Variants in RAD50 observed in about 807,000 individuals in gnomAD.
The protein encoded by RAD50 is RAD50 double strand break repair protein.
A neutral mutation model predicts 168.8 loss-of-function variants in RAD50; 132 were observed. That is an observed-to-expected ratio of 0.78 (90% CI 0.68 to 0.90). The LOEUF is 0.90. Among genes scored for constraint, RAD50 ranks in the 40% least tolerant of loss-of-function variants. The pLI is 0.00. For synonymous variants in RAD50, 525 were observed against 497.4 expected, an observed-to-expected ratio of 1.06 and a Z score of -0.74; for missense variants, 1,347 against 1,534.4, an observed-to-expected ratio of 0.88 and a Z score of 2.04.
chr5:132,567,251 T>C (rs1054187126), intron 2 of RAD50, among the ~76,000 whole-genome samples: 3 of 152,174 alleles, frequency 2.0e-5, no homozygotes, highest in Admixed American at 6.5e-5. Flanking sequence ...ATCACACTTA[T>C]ACTCGCAAGA....
chr5:132,577,487 C>G (rs566122644), intron 3 of RAD50, among the ~76,000 whole-genome samples: 2 of 152,332 alleles, frequency 1.3e-5, no homozygotes, highest in African/African-American at 4.8e-5. Context: ...TGTACCATAG[C>G]TAAGTAAATG....
intron 2 of RAD50, among the ~76,000 whole-genome samples, chr5:132,560,379 ACT>A (rs1272964595): frequency 2.0e-5 from 3 of 152,128 alleles, no homozygotes; most frequent in African/African-American, 4.8e-5. Context: ...ATTAAAGATA[ACT>A]CTGTAATTAT....
intron 21 of RAD50, among the ~76,000 whole-genome samples, chr5:132,628,516 C>T (rs79050366): frequency 0.02 from 2,976 of 152,026 alleles, 75 homozygotes; most frequent in African/African-American, 0.061. Context: ...AACTGAAGCC[C>T]GGTCAAGTTG....
At chr5:132,640,242 A>G (rs1158771875) in intron 23 of RAD50, among the ~76,000 whole-genome samples, 1 of 152,222 alleles carries the variant, frequency 6.6e-6, no homozygotes, top group African/African-American at 2.4e-5. Context: ...AGAAAAAGTG[A>G]GAGGCTCTAG....
At chr5:132,589,962 A>T in intron 9 of RAD50, 125 bp downstream of exon 9, 1 of 903,476 alleles carries the variant, frequency 1.1e-6, no homozygotes, top group Non-Finnish European at 1.7e-6. Flanking sequence ...ATTCTCATGT[A>T]AAATGAATTC....
At chr5:132,594,821 T>C (rs760374550) in intron 11 of RAD50, 48 bp from the exon 12 acceptor site, 1 of 1,547,296 alleles carries the variant, frequency 6.5e-7, no homozygotes, top group African/African-American at 1.4e-5. Flanking sequence ...ATTTTCAAAC[T>C]AATTTCTCCT....
rs2149853037 is a variant in RAD50, at chr5:132,616,128, A to G, written c.3162A>G (p.Lys1054=). ...GTCAAATGCAGGTTTTGCAAATGAA[A>G]AGGTATGCTTTTAAAATAATCTTCA... ...EMGQMQVLQM[K]SEHQKLEENI... The change falls in exon 20 of 25, where the codon AAA becomes AAG. Residue 1054 remains lysine (K), a splice_region_variant and synonymous_variant. Transcript: ENST00000378823. 2 of 1,612,414 alleles carry G rather than the reference A, an allele frequency of 1.2e-6. No homozygotes were observed. The highest frequency in any genetic ancestry group is 1.7e-6 in the Non-Finnish European group (2 of 1,178,898).
chr5:132,627,364 A>G (rs1424242054), intron 21 of RAD50, among the ~76,000 whole-genome samples: 1 of 152,194 alleles, frequency 6.6e-6, no homozygotes, highest in African/African-American at 2.4e-5. Context: ...ATACTGTTCT[A>G]GATACTAAGT....
At chr5:132,568,224 C>T (rs1264265280) in intron 2 of RAD50, among the ~76,000 whole-genome samples, 1 of 152,036 alleles carries the variant, frequency 6.6e-6, no homozygotes, top group Non-Finnish European at 1.5e-5. Flanking sequence ...GTGCCCACGA[C>T]CATGCCCGGC....
At chr5:132,584,091 G>T (rs1036666446) in intron 5 of RAD50, among the ~76,000 whole-genome samples, 5 of 152,064 alleles carry the variant, frequency 3.3e-5, no homozygotes, top group African/African-American at 1.2e-4. Flanking sequence ...TGGACATTAA[G>T]TTGTTTTTGG....
intron 21 of RAD50, among the ~76,000 whole-genome samples, chr5:132,619,377 C>T (rs1464343683): frequency 1.3e-5 from 2 of 152,012 alleles, no homozygotes; most frequent in Non-Finnish European, 2.9e-5. Context: ...AATGATGAAT[C>T]GTTGTTTATA....
At chr5:132,591,472 A>C (rs752964344) in intron 10 of RAD50, 66 bp downstream of exon 10, 14 of 1,459,054 alleles carry the variant, frequency 9.6e-6, no homozygotes, top group Non-Finnish European at 1.3e-5. Context: ...TTGCACTCAT[A>C]AGTCATAGAC....
At chr5:132,624,354 A>G (rs1020694744) in intron 21 of RAD50, among the ~76,000 whole-genome samples, 13 of 152,240 alleles carry the variant, frequency 8.5e-5, no homozygotes, top group African/African-American at 2.7e-4. Context: ...AGTAGACTAC[A>G]CATACATATA....
At chr5:132,591,107 C>CA in intron 9 of RAD50, 117 bp from the exon 10 acceptor site, 1 of 1,068,318 alleles carries the variant, frequency 9.4e-7, no homozygotes, top group Non-Finnish European at 1.4e-6. Context: ...TTGTTGGATG[C>CA]AAACAGTAAT....
rs557602042 is a variant in RAD50 at position 132,627,257 on chromosome 5, A to G, written c.3389+8963A>G. 2.0e-5 allele frequency among the ~76,000 whole-genome samples: 3 copies of G among 152,244 alleles called. No individual in the cohort carries two copies. In the East Asian group the frequency reaches 5.8e-4, roughly 29 times the overall value. The stretch of plus-strand genomic sequence containing the variant: ...TGGTTTAGAACCATAACTTATTTCT[A>G]TATATTTTGTAACTCTTCAGTGAGG... On this transcript the variant is annotated intron_variant, in intron 21 of 24. Transcript: ENST00000378823.
intron 19 of RAD50, among the ~76,000 whole-genome samples, chr5:132,611,628 C>G (rs1751088431): frequency 6.7e-6 from 1 of 149,490 alleles, no homozygotes; most frequent in African/African-American, 2.5e-5. Context: ...ATGGCGTGAA[C>G]CTGGGAGGCA....
intron 19 of RAD50, among the ~76,000 whole-genome samples, chr5:132,611,877 A>C (rs1751094506): frequency 6.6e-6 from 1 of 152,172 alleles, no homozygotes; most frequent in South Asian, 2.1e-4. Flanking sequence ...AATACAGTGT[A>C]TCTCAGCATC....
At chr5:132,625,363 G>A (rs1751356053) in intron 21 of RAD50, among the ~76,000 whole-genome samples, 1 of 152,120 alleles carries the variant, frequency 6.6e-6, no homozygotes, top group Non-Finnish European at 1.5e-5. Context: ...TGGGATTACA[G>A]GCGTGAGCCA....
In RAD50 at chr5:132,579,921, A is replaced by C; in HGVS notation, c.611A>C (p.Lys204Thr). ...QVRQTQGQKV[K>T]EYQMELKYLK... ...CGTCAGACACAAGGTCAGAAAGTAA[A>C]AGAATATCAAATGGAACTAAAATAT... The change falls in exon 5 of 25, where the codon AAA (lysine) becomes ACA (threonine). Residue 204 changes from lysine (K) to threonine (T), a missense_variant. Physicochemically the swap from Lys to Thr is moderately conservative, Grantham distance 78 (BLOSUM62 -1). Coordinates refer to ENST00000378823, the MANE Select transcript of RAD50 (RefSeq NM_005732.4). 1 of 1,612,720 alleles carries C rather than the reference A, an allele frequency of 6.2e-7. No homozygotes were observed. The highest frequency in any genetic ancestry group is 8.5e-7 in the Non-Finnish European group (1 of 1,178,764).
Sources: allele counts gnomAD v4.1 joint callset (sites outside exome capture counted in the v4.1 genomes callset), GRCh38; gene constraint gnomAD v4.1.1; transcripts MANE v1.5; gene names NCBI Gene and HGNC (gene_info 2026-07-23, HGNC 2026-07-21).